Variants in LY75 observed in about 807,000 individuals in gnomAD.
LY75 encodes the protein C-type lectin domain family 13 member B.
LY75 carries 185 observed loss-of-function variants against 231.7 expected under a neutral mutation model. That is an observed-to-expected ratio of 0.80 (90% CI 0.71 to 0.90). The LOEUF (loss-of-function observed/expected upper bound fraction) is 0.90. Among genes scored for constraint, LY75 ranks in the 40% least tolerant of loss-of-function variants. LY75 has a pLI of 0.00. For synonymous variants in LY75, 668 were observed against 689.0 expected (o/e 0.97, Z 0.48); for missense variants, 1,947 against 2,050.2 (o/e 0.95, Z 0.97).
intron 5 of LY75, 46 bp downstream of exon 5, chr2:159,886,374 T>G: frequency 6.7e-7 from 1 of 1,500,028 alleles, no homozygotes; most frequent in Non-Finnish European, 8.9e-7. Flanking sequence ...CTTTTGCTTT[T>G]TTGAAGATTT....
At chr2:159,858,335 T>G (rs1684603624) in intron 16 of LY75, 27 bp downstream of exon 16, 2 of 1,607,902 alleles carry the variant, frequency 1.2e-6, no homozygotes, top group African/African-American at 2.7e-5. Flanking sequence ...CATGAGAAGG[T>G]TGTGAAAAGG....
intron 16 of LY75, among the ~76,000 whole-genome samples, chr2:159,857,762 A>G (rs191983996): frequency 1.3e-4 from 20 of 152,318 alleles, no homozygotes; most frequent in Non-Finnish European, 2.5e-4. Context: ...TAATAATTTG[A>G]GAATTAAAGT....
At position 159,815,456 on chromosome 2, in the gene LY75, C is replaced by T. The variant is rs767191150; in HGVS notation, c.4498G>A (p.Glu1500Lys). 3.1e-6 allele frequency: 5 copies of T among 1,612,742 alleles called. No individual in the cohort carries two copies. The African/African-American group carries it at 6.7e-5, about 22-fold the overall frequency. ...CCATCCTTAACAGAGTTGCATTTTT[C>T]ATGTTTCCAAGTTCCTTTTGGATCC... is the stretch of plus-strand genomic sequence containing the variant. Reference protein sequence around the residue: ...LLDPKGTWKHEKCNSVKDGAI... With the variant: ...LLDPKGTWKHKKCNSVKDGAI... Residue 1500 changes from glutamate to lysine, a missense_variant, in exon 31 of 35, where the codon GAA becomes AAA. By Grantham distance (56) the Glu-to-Lys change is moderately conservative. Transcript: ENST00000263636.
At chr2:159,890,483 G>A in intron 3 of LY75, 106 bp from the exon 4 acceptor site, 2 of 1,473,070 alleles carry the variant, frequency 1.4e-6, no homozygotes, top group South Asian at 1.2e-5. Context: ...CTTAGGATAT[G>A]CCCAAAGGGA....
intron 7 of LY75, among the ~76,000 whole-genome samples, chr2:159,881,477 G>A (rs1344469273): frequency 2.6e-5 from 4 of 152,124 alleles, no homozygotes; most frequent in Non-Finnish European, 4.4e-5. Context: ...CTGATATCTG[G>A]TGTAGATAAA....
chr2:159,865,850 A>T (rs1313230584), intron 13 of LY75, among the ~76,000 whole-genome samples: 1 of 152,170 alleles, frequency 6.6e-6, no homozygotes, highest in Admixed American at 6.5e-5. Flanking sequence ...TGGAGGCAGG[A>T]ACATATGTCT....
intron 4 of LY75, among the ~76,000 whole-genome samples, chr2:159,887,506 C>T (rs1243850534): frequency 5.6e-5 from 8 of 141,914 alleles, no homozygotes; most frequent in African/African-American, 1.8e-4. Context: ...TGCAGTGAGC[C>T]GATATTGTGC....
At chr2:159,815,229 C>G (rs921136345) in intron 31 of LY75, among the ~76,000 whole-genome samples, 176 bp downstream of exon 31, 1 of 152,176 alleles carries the variant, frequency 6.6e-6, no homozygotes, top group Admixed American at 6.5e-5. Flanking sequence ...TCTCCATCTC[C>G]TGACCTCGTG....
chr2:159,815,678 T>C (rs1683102972), intron 30 of LY75, 105 bp from the exon 31 acceptor site: 1 of 1,371,064 alleles, frequency 7.3e-7, no homozygotes, highest in Non-Finnish European at 9.9e-7. Context: ...GGAATATTAA[T>C]TATTTGCTTA....
In LY75 at chr2:159,816,810, T is replaced by C. The variant is rs1683131129; in HGVS notation, c.4376A>G (p.His1459Arg). Residue 1459 changes from histidine (H) to arginine (R), a missense_variant, in exon 30 of 35, where the codon CAT (histidine) becomes CGT (arginine). His to Arg is a conservative substitution (Grantham distance 29). Coordinates refer to ENST00000263636, the MANE Select transcript of LY75 (RefSeq NM_002349.4). ...GFPLWVGLSSHDGSESSFEWS... is the reference protein window; with the variant it reads ...GFPLWVGLSSRDGSESSFEWS... ...GGAAAACGAAGCAAGACTTACATCA[T>C]GACTTGAGAGCCCAACCCATAGTGG... The C allele has an allele frequency of 1.2e-6, 2 of 1,613,540 alleles. No homozygotes were observed. Among genetic ancestry groups the C allele is most frequent in the South Asian group, 1.1e-5 (1 of 90,996 alleles).
chr2:159,885,446 A>T (rs781341423), intron 5 of LY75, 153 bp from the exon 6 acceptor site: 16 of 500,914 alleles, frequency 3.2e-5, no homozygotes, highest in Non-Finnish European at 4.1e-5. Flanking sequence ...AGCCTCAATG[A>T]ATAATTATGT....
At chr2:159,828,516 G>A (rs965499975) in intron 28 of LY75, among the ~76,000 whole-genome samples, 1 of 152,044 alleles carries the variant, frequency 6.6e-6, no homozygotes, top group Non-Finnish European at 1.5e-5. Flanking sequence ...GCATCGATAC[G>A]GAGAAATCAG....
At chr2:159,886,382 T>C in intron 5 of LY75, 38 bp downstream of exon 5, 1 of 1,522,208 alleles carries the variant, frequency 6.6e-7, no homozygotes, top group Non-Finnish European at 8.8e-7. Flanking sequence ...TTTTTGAAGA[T>C]TTGTTCTGTG....
chr2:159,872,740 A>G (rs1168751572), intron 12 of LY75, 147 bp from the exon 13 acceptor site: 4 of 852,150 alleles, frequency 4.7e-6, no homozygotes, highest in Non-Finnish European at 7.0e-6. Context: ...ATATACTGAG[A>G]CACAGACAGG....
chr2:159,897,427 C>T (rs766152037), intron 2 of LY75, among the ~76,000 whole-genome samples: 8 of 152,158 alleles, frequency 5.3e-5, no homozygotes, highest in South Asian at 2.1e-4. Context: ...GAAACTGGCT[C>T]GCAGAAACAG....
At chr2:159,814,377 A>C (rs1253314566) in intron 31 of LY75, among the ~76,000 whole-genome samples, 1 of 152,244 alleles carries the variant, frequency 6.6e-6, no homozygotes, top group Non-Finnish European at 1.5e-5. Context: ...GGCCAGGCGT[A>C]GTAGCTCACA....
At chr2:159,807,260 A>G in intron 33 of LY75, 120 bp from the exon 34 acceptor site, 1 of 1,170,028 alleles carries the variant, frequency 8.5e-7, no homozygotes, top group Non-Finnish European at 1.2e-6. Context: ...TGTTAAAATA[A>G]AATGCATTAA....
chr2:159,876,423 G>T (rs1685268074), intron 11 of LY75, among the ~76,000 whole-genome samples: 1 of 152,080 alleles, frequency 6.6e-6, no homozygotes, highest in African/African-American at 2.4e-5. Context: ...AAACAGAGAA[G>T]CCACATAGTC....
chr2:159,839,798 G>C (rs1190101446), intron 25 of LY75, among the ~76,000 whole-genome samples: 3 of 152,104 alleles, frequency 2.0e-5, no homozygotes, highest in Non-Finnish European at 4.4e-5. Flanking sequence ...TTGAGGTAAA[G>C]AGTTCAAGAC....
Sources: gnomAD v4.1 joint callset for allele counts (sites outside exome capture counted in the v4.1 genomes callset) on GRCh38, gnomAD v4.1.1 for gene constraint, MANE v1.5 for transcripts, NCBI Gene and HGNC (gene_info 2026-07-23, HGNC 2026-07-21) for gene names.